The following KBTBD3 variants were observed in gnomAD, a reference collection of about 807,000 sequenced individuals.
KBTBD3 encodes kelch repeat and BTB domain containing 3.
A neutral mutation model predicts 49.6 loss-of-function variants in KBTBD3; 38 were observed. The observed-to-expected ratio is 0.77, with a 90% CI of 0.59 to 1.00. KBTBD3 has a LOEUF of 1.00. KBTBD3 is among the 50% of genes least tolerant of loss of function. The pLI, the probability that KBTBD3 is intolerant of heterozygous loss-of-function variation, is 0.00. For missense variants in KBTBD3, 661 were observed against 712.0 expected (o/e 0.93, Z 0.81); for synonymous variants, 214 against 250.4 (o/e 0.85, Z 1.37).
chr11:106,076,849 T>C (rs1861040949), intron 1 of KBTBD3, 142 bp from the exon 2 acceptor site: 1 of 152,256 alleles, frequency 6.6e-6, no homozygotes, highest in African/African-American at 2.4e-5. Context: ...AATGGAATCC[T>C]GTTTTCTCGC....
chr11:106,054,568 AT>A (rs1243953349), intron 3 of KBTBD3, 113 bp from the exon 4 acceptor site: 2 of 618,360 alleles, frequency 3.2e-6, no homozygotes, highest in African/African-American at 3.8e-5. Context: ...TTATAAAAGC[AT>A]ATTTTAATTG....
At position 106,063,655 on chromosome 11, in the gene KBTBD3, G is replaced by A. The variant is rs563219174; in HGVS notation, c.-12-4546C>T. ...TATTTTAAAAAATACATAATTGGCC[G>A]GGTGCAGTGGCTTATGCCTGTAATC... On this transcript the variant is annotated intron_variant, in intron 2 of 3. Coordinates refer to ENST00000531837, the MANE Select transcript of KBTBD3 (RefSeq NM_198439.3). Among the ~76,000 whole-genome samples the A allele has an allele frequency of 9.9e-5, 15 of 152,218 alleles. No homozygotes were observed. The South Asian group carries it at 1.0e-3, about 11-fold the overall frequency.
rs149693692 is a variant in KBTBD3, at chr11:106,059,902, C to T, written c.-12-793G>A. 1.6e-4 allele frequency among the ~76,000 whole-genome samples: 24 copies of T among 152,256 alleles called. No homozygotes were observed. In the East Asian group the frequency reaches 3.7e-3, roughly 23 times the overall value. Reference sequence around the variant, plus strand: ...ACCAGAAAAATAGAAAACCTTGATTCGACATTTCTGTTCCAGTTATCACCC... The same window carrying T: ...ACCAGAAAAATAGAAAACCTTGATTTGACATTTCTGTTCCAGTTATCACCC... On this transcript the variant is annotated intron_variant, in intron 2 of 3. Transcript: ENST00000531837.
intron 2 of KBTBD3, among the ~76,000 whole-genome samples, chr11:106,073,638 T>C (rs896013589): frequency 1.3e-5 from 2 of 152,168 alleles, no homozygotes; most frequent in Non-Finnish European, 2.9e-5. Context: ...CATTTGAGAA[T>C]TGAATGATAA....
intron 2 of KBTBD3, among the ~76,000 whole-genome samples, chr11:106,069,204 A>T (rs970462747): frequency 1.3e-5 from 2 of 152,160 alleles, no homozygotes; most frequent in African/African-American, 4.8e-5. Flanking sequence ...ATTTAGAAGT[A>T]TATTATTCAG....
intron 2 of KBTBD3, among the ~76,000 whole-genome samples, chr11:106,067,041 A>C (rs1860822570): frequency 6.6e-6 from 1 of 152,148 alleles, no homozygotes; most frequent in African/African-American, 2.4e-5. Flanking sequence ...ACCCTGATAC[A>C]CCAGTGGGCA....
In KBTBD3 at chr11:106,053,498, T is replaced by C; in HGVS notation, c.1191A>G (p.Thr397=). The part of the protein sequence containing the change: ...STMKTPRTMH[T]SVMALDRLFV... ...ATAATCTATCGAGAGCCATAACTGA[T>C]GTATGCATGGTTCTTGGTGTTTTCA... is the stretch of plus-strand genomic sequence containing the variant. Residue 397 remains threonine, a synonymous_variant, in exon 4 of 4, where the codon ACA becomes ACG. Coordinates refer to ENST00000531837, the MANE Select transcript of KBTBD3 (RefSeq NM_198439.3). The C allele has an allele frequency of 6.2e-7, 1 of 1,613,812 alleles. No individual in the cohort carries two copies. The highest frequency in any genetic ancestry group is 8.5e-7 in the Non-Finnish European group (1 of 1,179,850).
intron 2 of KBTBD3, among the ~76,000 whole-genome samples, chr11:106,068,906 C>T (rs1848408776): frequency 6.6e-6 from 1 of 152,046 alleles, no homozygotes; most frequent in South Asian, 2.1e-4. Flanking sequence ...TATTTGAATA[C>T]CGATTAGTGT....
chr11:106,063,195 C>G (rs1477068568), intron 2 of KBTBD3, among the ~76,000 whole-genome samples: 2 of 152,208 alleles, frequency 1.3e-5, no homozygotes, highest in African/African-American at 4.8e-5. Context: ...CAAAAACAAG[C>G]CTTAGCCAAT....
At chr11:106,065,719 G>C (rs967524169) in intron 2 of KBTBD3, among the ~76,000 whole-genome samples, 11 of 152,078 alleles carry the variant, frequency 7.2e-5, no homozygotes, top group Non-Finnish European at 1.3e-4. Context: ...CCAGCACTTT[G>C]GGGGGCTGAG....
At chr11:106,074,357 C>G (rs560263925) in intron 2 of KBTBD3, among the ~76,000 whole-genome samples, 103 of 152,312 alleles carry the variant, frequency 6.8e-4, no homozygotes, top group African/African-American at 2.3e-3. Context: ...TCTCAACCCA[C>G]TACAATAAAA....
chr11:106,052,909 A>C lies in KBTBD3; in HGVS notation c.1780T>G (p.Cys594Gly). ...TATTTATTAAACTGAATCACCTGGC[A>C]GTAAAATTCTGTTAAGGCTCTAGGC... ...PMPRALTEFYCQVIQFNKYRD... is the reference protein window; with the variant it reads ...PMPRALTEFYGQVIQFNKYRD... Residue 594 changes from cysteine to glycine, a missense_variant, in exon 4 of 4, where the codon TGC (cysteine) becomes GGC (glycine). Transcript: ENST00000531837. 6.2e-7 allele frequency: 1 copy of C among 1,613,648 alleles called. No homozygotes were observed. The highest frequency in any genetic ancestry group is 8.5e-7 in the Non-Finnish European group (1 of 1,179,624).
rs1237461491 is a variant in KBTBD3 at position 106,051,248 on chromosome 11, C to G, written c.*1602G>C. On this transcript the variant is annotated 3_prime_UTR_variant, in exon 4 of 4. Coordinates refer to ENST00000531837, the MANE Select transcript of KBTBD3 (RefSeq NM_198439.3). Reference sequence around the variant, plus strand: ...AAAGCCACACACACACAAACAAAAGCCTCCACTGAATTTTCCTTTTTCAAA... The same window carrying G: ...AAAGCCACACACACACAAACAAAAGGCTCCACTGAATTTTCCTTTTTCAAA... 6.6e-6 allele frequency: 1 copy of G among 151,820 alleles called. No individual in the cohort carries two copies. The highest frequency in any genetic ancestry group is 1.9e-4 in the East Asian group (1 of 5,188). The allele number at this position is 151,820 out of a possible 1,614,324, so 9.4% of individuals were successfully genotyped here.
chr11:106,053,307 G>T lies in KBTBD3; in HGVS notation c.1382C>A (p.Ser461Ter). Residue 461 changes from serine to a stop codon, truncating the protein, a stop_gained, in exon 4 of 4, where the codon TCA becomes TAA. Coordinates refer to ENST00000531837, the MANE Select transcript of KBTBD3 (RefSeq NM_198439.3). LOFTEE classifies it high-confidence loss of function. Reference protein sequence around the residue: ...TCQNVIYVLGSEVEITDAFNP... With the variant: ...TCQNVIYVLG ...AAAAGCATCTGTAATCTCTACCTCT[G>T]ATCCAAGAACATAAATTACATTTTG... 1 of 1,613,454 alleles carries T rather than the reference G, an allele frequency of 6.2e-7. No homozygotes were observed. The highest frequency in any genetic ancestry group is 8.5e-7 in the Non-Finnish European group (1 of 1,179,800).
chr11:106,072,697 T>C (rs1860943430), intron 2 of KBTBD3, among the ~76,000 whole-genome samples: 1 of 152,232 alleles, frequency 6.6e-6, no homozygotes, highest in Admixed American at 6.5e-5. Flanking sequence ...AAACTAAAGC[T>C]GTGCTCTGCC....
At position 106,058,345 on chromosome 11, in the gene KBTBD3, C is replaced by T. The variant is rs965234150; in HGVS notation, c.233+520G>A. Among the ~76,000 whole-genome samples the T allele has an allele frequency of 3.3e-5, 5 of 150,784 alleles. No homozygotes were observed. In the South Asian group the frequency reaches 8.4e-4, roughly 25 times the overall value. ...GCAGTGAGCCGAGATCGCACCACTG[C>T]ACTCCAGCCTGGGCGACAGAGCGAG... is the stretch of plus-strand genomic sequence containing the variant. On this transcript the variant is annotated intron_variant, in intron 3 of 3. Transcript: ENST00000531837.
At chr11:106,057,267 T>C (rs1860571461) in intron 3 of KBTBD3, among the ~76,000 whole-genome samples, 1 of 152,202 alleles carries the variant, frequency 6.6e-6, no homozygotes, top group Non-Finnish European at 1.5e-5. Context: ...AAGGGTTAAA[T>C]TGAGGATTCA....
intron 2 of KBTBD3, among the ~76,000 whole-genome samples, chr11:106,064,150 TG>T (rs1254359184): frequency 2.0e-5 from 3 of 152,062 alleles, no homozygotes; most frequent in African/African-American, 7.2e-5. Flanking sequence ...ATTGCAAAGG[TG>T]TTTAATCTGG....
intron 2 of KBTBD3, 153 bp downstream of exon 2, chr11:106,076,354 T>G (rs745312000): frequency 6.6e-6 from 1 of 152,236 alleles, no homozygotes; most frequent in Non-Finnish European, 1.5e-5. Context: ...TGAATTTGTG[T>G]GTGTGTGTGC....
Sources: allele counts gnomAD v4.1 joint callset (sites outside exome capture counted in the v4.1 genomes callset), GRCh38; gene constraint gnomAD v4.1.1; transcripts MANE v1.5; gene names NCBI Gene and HGNC (gene_info 2026-07-23, HGNC 2026-07-21).